Variants in NECAP1 observed in about 807,000 individuals in gnomAD.
NECAP1 encodes adaptin ear-binding coat-associated protein 1.
Under a neutral mutation model 33.4 loss-of-function variants are expected in NECAP1, and 13 were observed. The ratio of observed to expected loss-of-function variants is 0.39; its 90% CI spans 0.25 to 0.62. The LOEUF (loss-of-function observed/expected upper bound fraction) is 0.62. NECAP1 is among the 20% of genes least tolerant of loss of function. The probability of loss-of-function intolerance (pLI) is 0.52; values close to 1 mark genes in which losing one functional copy is unlikely to be tolerated. For synonymous variants in NECAP1, 109 were observed against 125.2 expected (o/e 0.87, Z 0.86); for missense variants, 272 against 347.4 (o/e 0.78, Z 1.73).
At chr12:8,086,928 T>TACACACAC (rs140539415) in intron 1 of NECAP1, among the ~76,000 whole-genome samples, 2,033 of 143,804 alleles carry the variant, frequency 0.014, 37 homozygotes, top group African/African-American at 0.035. Context: ...GAGACTCTAT[T>TACACACAC]ACACACACAC....
At chr12:8,085,598 G>T (rs1565643006) in intron 1 of NECAP1, among the ~76,000 whole-genome samples, 2 of 150,862 alleles carry the variant, frequency 1.3e-5, no homozygotes, top group Non-Finnish European at 2.9e-5. Flanking sequence ...GTTACCTTTG[G>T]CAAATCACCA....
At chr12:8,092,849 G>T (rs778362800) in intron 5 of NECAP1, 23 bp from the exon 6 acceptor site, 7 of 1,576,988 alleles carry the variant, frequency 4.4e-6, no homozygotes, top group Middle Eastern at 1.7e-4. Context: ...TCTTTCTCTT[G>T]CTCTTCTTTT....
chr12:8,086,457 C>T (rs1947490651), intron 1 of NECAP1, among the ~76,000 whole-genome samples: 2 of 150,798 alleles, frequency 1.3e-5, no homozygotes, highest in African/African-American at 4.9e-5. Flanking sequence ...TACAAAAATA[C>T]AAAAAACTTA....
At chr12:8,093,249 C>A in intron 6 of NECAP1, 194 bp downstream of exon 6, 1 of 532,340 alleles carries the variant, frequency 1.9e-6, no homozygotes, top group Non-Finnish European at 3.2e-6. Context: ...GGTTCTTTGG[C>A]AGAAAATATT....
rs1565643440 is a variant in NECAP1 at position 8,087,017 on chromosome 12, A to ATTTT, written c.96-2919_96-2918insTTTT. 8.5e-3 allele frequency among the ~76,000 whole-genome samples: 827 copies of ATTTT among 97,674 alleles called. 12 individuals carry two copies. Among genetic ancestry groups the ATTTT allele is most frequent in the South Asian group, 0.042 (142 of 3,398 alleles). The allele number at this position is 97,674 out of a possible 152,430, so 64.1% of individuals were successfully genotyped here. ...AACCTATAAAACTATTTTTTTTTAAAAAAAAATTCTTCACTACCCTCTTCC... is the reference window on the plus strand; with the variant it reads ...AACCTATAAAACTATTTTTTTTTAAATTTTAAAAAATTCTTCACTACCCTCTTCC... On this transcript the variant is annotated intron_variant, in intron 1 of 7. Coordinates refer to ENST00000339754, the MANE Select transcript of NECAP1 (RefSeq NM_015509.4).
rs753718148 is a variant in NECAP1, at chr12:8,089,800, T to A, written c.96-136T>A. On this transcript the variant is annotated intron_variant, in intron 1 of 7. Transcript: ENST00000339754. ...TAACATGAGGCATCTAAATAGATCATGAATTATTCTTGTTGATTAATAGGT... is the reference window on the plus strand; with the variant it reads ...TAACATGAGGCATCTAAATAGATCAAGAATTATTCTTGTTGATTAATAGGT... The A allele has an allele frequency of 1.9e-5, 13 of 701,892 alleles. No individual in the cohort carries two copies. In the South Asian group the frequency reaches 2.0e-4, roughly 11 times the overall value. The allele number at this position is 701,892 out of a possible 1,614,324, so 43.5% of individuals were successfully genotyped here.
chr12:8,090,913 C>T, intron 3 of NECAP1: 1 of 153,284 alleles, frequency 6.5e-6, no homozygotes, highest in East Asian at 1.9e-4. Context: ...ACTCTTTTCT[C>T]CATGGTCTAT....
At position 8,090,306 on chromosome 12, in the gene NECAP1, G is replaced by A; in HGVS notation, c.301+7G>A. ...CGGATCCAGGATGGTACTGGTAAGA[G>A]AACTGGGATTTTGAGTGGAACGAAG... On this transcript the variant is annotated splice_region_variant and intron_variant, in intron 3 of 7. Transcript: ENST00000339754. The A allele has an allele frequency of 6.2e-7, 1 of 1,613,220 alleles. No individual in the cohort carries two copies. Among genetic ancestry groups the A allele is most frequent in the Non-Finnish European group, 8.5e-7 (1 of 1,179,188 alleles).
chr12:8,087,148 T>C (rs926976473), intron 1 of NECAP1, among the ~76,000 whole-genome samples: 7 of 152,028 alleles, frequency 4.6e-5, no homozygotes, highest in Non-Finnish European at 8.8e-5. Flanking sequence ...TTTCCATCAT[T>C]TAGAGAGAAA....
chr12:8,085,265 G>A (rs749952234), intron 1 of NECAP1, among the ~76,000 whole-genome samples: 6 of 152,314 alleles, frequency 3.9e-5, no homozygotes, highest in East Asian at 1.9e-4. Flanking sequence ...TGATCCGCCT[G>A]CCTTGGCCTC....
At chr12:8,091,548 T>G in intron 3 of NECAP1, 4 of 550,036 alleles carry the variant, frequency 7.3e-6, no homozygotes, top group East Asian at 3.2e-5. Flanking sequence ...CACACCCCTC[T>G]GAGAATCTAA....
At position 8,090,267 on chromosome 12, in the gene NECAP1, G is replaced by A; in HGVS notation, c.269G>A (p.Arg90His). The A allele has an allele frequency of 3.7e-6, 6 of 1,614,134 alleles. No individual in the cohort carries two copies. Among genetic ancestry groups the A allele is most frequent in the South Asian group, 2.2e-5 (2 of 91,086 alleles). The change falls in exon 3 of 8, where the codon CGC (arginine) becomes CAC (histidine). Residue 90 changes from arginine (R) to histidine (H), a missense_variant. Coordinates refer to ENST00000339754, the MANE Select transcript of NECAP1 (RefSeq NM_015509.4). The stretch of plus-strand genomic sequence containing the variant: ...GTGGAGACGGTGACAGATTCTAGCC[G>A]CTACTTTGTAATCCGGATCCAGGAT... ...IAVETVTDSSRYFVIRIQDGT... is the reference protein window; with the variant it reads ...IAVETVTDSSHYFVIRIQDGT...
intron 1 of NECAP1, 72 bp downstream of exon 1, chr12:8,082,455 C>A: frequency 1.5e-6 from 2 of 1,350,374 alleles, no homozygotes; most frequent in Non-Finnish European, 2.1e-6. Flanking sequence ...AGCTAGCACG[C>A]TGTCCGTCCC....
At chr12:8,086,527 T>C (rs1947491371) in intron 1 of NECAP1, among the ~76,000 whole-genome samples, 1 of 152,106 alleles carries the variant, frequency 6.6e-6, no homozygotes, top group Non-Finnish European at 1.5e-5. Context: ...GGCAGTAGAA[T>C]TGTTTGAACC....
At chr12:8,092,335 T>C (rs1260834598) in intron 4 of NECAP1, 3 of 266,384 alleles carry the variant, frequency 1.1e-5, no homozygotes, top group African/African-American at 4.5e-5. Context: ...TCTGAAGTTA[T>C]AGAAAGCTAA....
chr12:8,092,402 C>T (rs1374000994), intron 4 of NECAP1: 2 of 376,146 alleles, frequency 5.3e-6, no homozygotes, highest in Middle Eastern at 7.8e-4. Flanking sequence ...GAGCAGCCCT[C>T]AACTGTGGGG....
intron 1 of NECAP1, among the ~76,000 whole-genome samples, chr12:8,086,664 G>A (rs1003462460): frequency 4.0e-5 from 6 of 151,894 alleles, no homozygotes; most frequent in Admixed American, 2.6e-4. Context: ...ATCTGGGTGC[G>A]GTGGCTCACT....
At chr12:8,092,087 C>T (rs1384696205) in intron 4 of NECAP1, 6 of 496,572 alleles carry the variant, frequency 1.2e-5, no homozygotes, top group Admixed American at 1.1e-4. Context: ...TGAAATGATG[C>T]TCTGTCGAAT....
rs753873119 is a variant in NECAP1 at position 8,090,183 on chromosome 12, C to G, written c.197-12C>G. The stretch of plus-strand genomic sequence containing the variant: ...TTGCTTTACTCAAAAAAGTCTTTCT[C>G]TTATCTGTCAGGGGAGCTCTTTGCT... On this transcript the variant is annotated splice_polypyrimidine_tract_variant and intron_variant, in intron 2 of 7. Transcript: ENST00000339754. 1 of 1,613,762 alleles carries G rather than the reference C, an allele frequency of 6.2e-7. No individual in the cohort carries two copies. Among genetic ancestry groups the G allele is most frequent in the Admixed American group, 1.7e-5 (1 of 60,004 alleles).
Sources: gnomAD v4.1 joint callset for allele counts (sites outside exome capture counted in the v4.1 genomes callset) on GRCh38, gnomAD v4.1.1 for gene constraint, MANE v1.5 for transcripts, NCBI Gene and HGNC (gene_info 2026-07-23, HGNC 2026-07-21) for gene names.